The following ICA1L variants were observed in gnomAD, a reference collection of about 807,000 sequenced individuals.
The protein encoded by ICA1L is islet cell autoantigen 1 like.
In ICA1L, 50 loss-of-function variants were observed where a neutral mutation model predicts 61.3. The observed-to-expected ratio is 0.82, with a 90% CI of 0.65 to 1.03. The LOEUF is 1.03. ICA1L is among the 50% of genes least tolerant of loss of function. ICA1L has a pLI of 0.00. For missense variants in ICA1L, 508 were observed against 556.7 expected (o/e 0.91, Z 0.88); for synonymous variants, 161 against 191.3 (o/e 0.84, Z 1.31).
chr2:202,800,702 G>A (rs1292570613), intron 9 of ICA1L, among the ~76,000 whole-genome samples: 2 of 152,154 alleles, frequency 1.3e-5, no homozygotes, highest in East Asian at 1.9e-4. Flanking sequence ...TGTATAGAGA[G>A]CTTAAAGGAT....
chr2:202,853,218 G>A (rs1365684916), intron 1 of ICA1L, among the ~76,000 whole-genome samples: 5 of 151,806 alleles, frequency 3.3e-5, no homozygotes, highest in South Asian at 2.1e-4. Flanking sequence ...TTAGCTGGGC[G>A]TAGTGGCGGG....
intron 1 of ICA1L, among the ~76,000 whole-genome samples, chr2:202,864,279 T>C (rs948528786): frequency 1.6e-4 from 24 of 152,216 alleles, no homozygotes; most frequent in African/African-American, 4.1e-4. Context: ...AGTCTTGCTC[T>C]GTCGCCCAGG....
At chr2:202,829,477 G>T (rs1405006052) in intron 1 of ICA1L, among the ~76,000 whole-genome samples, 2 of 152,226 alleles carry the variant, frequency 1.3e-5, no homozygotes, top group East Asian at 3.9e-4. Context: ...TAGAGTCAGG[G>T]TCTCGTTCCA....
Position 202,852,056 on chromosome 2 carries a change from G to C in ICA1L, c.-8+19563C>G, listed in dbSNP as rs1237266455. 5.3e-5 allele frequency among the ~76,000 whole-genome samples: 8 copies of C among 152,080 alleles called. No homozygotes were observed. In the South Asian group the frequency reaches 1.0e-3, roughly 20 times the overall value. On this transcript the variant is annotated intron_variant, in intron 1 of 12. Coordinates refer to ENST00000358299, the MANE Select transcript of ICA1L (RefSeq NM_001288622.3). ...TTGGCTTTTGTTGCCATTGCTTTTG[G>C]TGTTTTAGACATGAAGTCCTTGCCG... is the stretch of plus-strand genomic sequence containing the variant.
intron 3 of ICA1L, among the ~76,000 whole-genome samples, chr2:202,823,789 CAG>C (rs1233343342): frequency 3.3e-5 from 5 of 152,188 alleles, no homozygotes; most frequent in Non-Finnish European, 7.3e-5. Flanking sequence ...CCTAGGAATT[CAG>C]AGTTATGTCT....
chr2:202,839,596 G>A (rs1398840837), intron 1 of ICA1L, among the ~76,000 whole-genome samples: 6 of 141,410 alleles, frequency 4.2e-5, no homozygotes, highest in Non-Finnish European at 9.6e-5. Context: ...GTGTGTGTGT[G>A]TGTGTGTGTG....
chr2:202,825,480 A>AT, intron 3 of ICA1L: 1 of 1,273,108 alleles, frequency 7.9e-7, no homozygotes, highest in Admixed American at 3.7e-5. Flanking sequence ...AAAGAAAAAA[A>AT]ATATCAGCAA....
intron 12 of ICA1L, among the ~76,000 whole-genome samples, 171 bp downstream of exon 12, chr2:202,785,747 T>C (rs1161382295): frequency 6.6e-6 from 1 of 152,178 alleles, no homozygotes; most frequent in Non-Finnish European, 1.5e-5. Context: ...TTCTATTCAA[T>C]GCTTTCCATA....
chr2:202,791,601 C>CTT (rs1408076824), intron 10 of ICA1L, among the ~76,000 whole-genome samples: 2 of 152,202 alleles, frequency 1.3e-5, no homozygotes, highest in African/African-American at 4.8e-5. Context: ...AATCCCAACA[C>CTT]TTTGGGAGGC....
At chr2:202,821,739 G>C (rs1285802028) in intron 3 of ICA1L, 4 of 215,004 alleles carry the variant, frequency 1.9e-5, no homozygotes, top group Non-Finnish European at 3.6e-5. Context: ...GCTTTGAGAA[G>C]GACTGATTTT....
At position 202,778,548 on chromosome 2, in the gene ICA1L, C is replaced by T. The variant is rs1456149401; in HGVS notation, c.*985G>A. On this transcript the variant is annotated 3_prime_UTR_variant, in exon 13 of 13. Transcript: ENST00000358299. ...TATTCTGGGTTAAATAATTATGTCA[C>T]AAAATATGAGATAAGTATGCAAATA... is the stretch of plus-strand genomic sequence containing the variant. 2 of 152,130 alleles carry T rather than the reference C, an allele frequency of 1.3e-5. No individual in the cohort carries two copies. The highest frequency in any genetic ancestry group is 6.5e-5 in the Admixed American group (1 of 15,276). 9.4% of individuals were successfully genotyped at this position (152,130 alleles called of 1,614,324 possible). A position where few individuals can be genotyped will look rare whatever the true frequency, so the allele number is the denominator to read the frequency against.
At chr2:202,819,518 A>C in intron 5 of ICA1L, 183 bp downstream of exon 5, 1 of 587,314 alleles carries the variant, frequency 1.7e-6, no homozygotes, top group Non-Finnish European at 3.0e-6. Flanking sequence ...TGAAGATGCC[A>C]CTCCAGGAGT....
At chr2:202,810,895 G>A (rs1693358577) in intron 9 of ICA1L, among the ~76,000 whole-genome samples, 1 of 152,106 alleles carries the variant, frequency 6.6e-6, no homozygotes, top group African/African-American at 2.4e-5. Context: ...ATTAGGACGA[G>A]GAAATTCCCG....
intron 9 of ICA1L, among the ~76,000 whole-genome samples, chr2:202,803,444 A>G (rs1001956813): frequency 1.3e-5 from 2 of 151,286 alleles, no homozygotes; most frequent in African/African-American, 4.8e-5. Flanking sequence ...GAAGATTGAA[A>G]GGAAAAGGAT....
At chr2:202,802,858 G>C (rs1420062151) in intron 9 of ICA1L, among the ~76,000 whole-genome samples, 1 of 151,984 alleles carries the variant, frequency 6.6e-6, no homozygotes, top group Non-Finnish European at 1.5e-5. Context: ...GTAAATGGCA[G>C]GGGTTGGGGA....
intron 1 of ICA1L, among the ~76,000 whole-genome samples, chr2:202,869,810 G>C (rs964718999): frequency 1.3e-5 from 2 of 151,808 alleles, no homozygotes; most frequent in East Asian, 1.9e-4. Context: ...ATAATAATGA[G>C]ATACATAGAA....
chr2:202,778,821 C>T lies in ICA1L; in HGVS notation c.*712G>A, dbSNP rs1286794351. On this transcript the variant is annotated 3_prime_UTR_variant, in exon 13 of 13. Transcript: ENST00000358299. The stretch of plus-strand genomic sequence containing the variant: ...GATGGGAAGATAGATTTTTCTGTTT[C>T]TGCAGAGGATGGGCTTAGCAAATTA... 6.6e-6 allele frequency: 1 copy of T among 152,636 alleles called. No homozygotes were observed. The highest frequency in any genetic ancestry group is 1.5e-5 in the Non-Finnish European group (1 of 68,028). The allele number at this position is 152,636 out of a possible 1,614,324, so 9.5% of individuals were successfully genotyped here. A position where few individuals can be genotyped will look rare whatever the true frequency, so the allele number is the denominator to read the frequency against.
rs1223937559 is a variant in ICA1L at position 202,854,162 on chromosome 2, CACAT to C, written c.-8+17453_-8+17456del. On this transcript the variant is annotated intron_variant, in intron 1 of 12. Coordinates refer to ENST00000358299, the MANE Select transcript of ICA1L (RefSeq NM_001288622.3). Reference sequence around the variant, plus strand: ...AGGAGACCTATCTCATGTGCAGACACACATAGGCTCAAAATACAAGGATGAAGGA... The same window carrying C: ...AGGAGACCTATCTCATGTGCAGACACAGGCTCAAAATACAAGGATGAAGGA... 1.3e-4 allele frequency among the ~76,000 whole-genome samples: 19 copies of C among 150,212 alleles called. No individual in the cohort carries two copies. The East Asian group carries it at 3.5e-3, about 28-fold the overall frequency.
intron 10 of ICA1L, among the ~76,000 whole-genome samples, chr2:202,790,058 G>C (rs1268479553): frequency 6.6e-6 from 1 of 152,092 alleles, no homozygotes; most frequent in Non-Finnish European, 1.5e-5. Flanking sequence ...TGCTTTCCCT[G>C]GTCCTTTTCT....
Sources: gnomAD v4.1 joint callset for allele counts (sites outside exome capture counted in the v4.1 genomes callset) on GRCh38, gnomAD v4.1.1 for gene constraint, MANE v1.5 for transcripts, NCBI Gene and HGNC (gene_info 2026-07-23, HGNC 2026-07-21) for gene names.